The following CELSR3 variants were observed in gnomAD, a reference collection of about 807,000 sequenced individuals.
CELSR3 encodes the protein EGF-like protein 1.
Under a neutral mutation model 270.0 loss-of-function variants are expected in CELSR3, and 73 were observed. That is an observed-to-expected ratio of 0.27 (90% CI 0.22 to 0.33). CELSR3 has a LOEUF of 0.33. Among genes scored for constraint, CELSR3 ranks in the 10% least tolerant of loss-of-function variants. CELSR3 has a pLI of 1.00. For synonymous variants in CELSR3, 1,780 were observed against 1,905.4 expected (o/e 0.93, Z 1.71); for missense variants, 3,614 against 4,533.8 (o/e 0.80, Z 5.83).
chr3:48,644,827 G>A lies in CELSR3; in HGVS notation c.7974C>T (p.Gly2658=), dbSNP rs2047064197. Residue 2658 remains glycine (G), a splice_region_variant and synonymous_variant, in exon 26 of 35, where the codon GGC becomes GGT. Transcript: ENST00000164024. The surrounding 1 kb of genome is among the most constrained non-coding windows in gnomAD (Gnocchi z 4.8). ...LGWGVPAVLL[G]LAVGLDPEGY... ...CCTCAGGGTCCAGGCCCACAGCAAGGCCTTGGGAAGAGAAAGGGTAGGACT... is the reference window on the plus strand; with the variant it reads ...CCTCAGGGTCCAGGCCCACAGCAAGACCTTGGGAAGAGAAAGGGTAGGACT... 1.2e-6 allele frequency: 2 copies of A among 1,612,426 alleles called. No individual in the cohort carries two copies. Among genetic ancestry groups the A allele is most frequent in the African/African-American group, 1.3e-5 (1 of 74,908 alleles).
chr3:48,656,794 C>A lies in CELSR3; in HGVS notation c.4303G>T (p.Glu1435Ter). The change falls in exon 2 of 35, where the codon GAG becomes TAG. Residue 1435 changes from glutamate (E) to a stop codon, truncating the protein, a stop_gained. Transcript: ENST00000164024. LOFTEE classifies it high-confidence loss of function. ...PGFTGDFCET[E>*]LDLCYSNPCR... The stretch of plus-strand genomic sequence containing the variant: ...GGGTTGGAGTAGCAGAGGTCGAGCT[C>A]GGTCTCGCAAAAGTCTCCCGTGAAT... 1 of 1,601,330 alleles carries A rather than the reference C, an allele frequency of 6.2e-7. No individual in the cohort carries two copies. The highest frequency in any genetic ancestry group is 8.5e-7 in the Non-Finnish European group (1 of 1,173,688).
chr3:48,656,739 C>T lies in CELSR3; in HGVS notation c.4358G>A (p.Arg1453His), dbSNP rs2077026301. 6.5e-7 allele frequency: 1 copy of T among 1,528,380 alleles called. No homozygotes were observed. Among genetic ancestry groups the T allele is most frequent in the South Asian group, 1.3e-5 (1 of 78,100 alleles). 94.7% of individuals were successfully genotyped at this position (1,528,380 alleles called of 1,614,324 possible). A position where few individuals can be genotyped will look rare whatever the true frequency, so the allele number is the denominator to read the frequency against. Residue 1453 changes from arginine to histidine, a missense_variant, in exon 2 of 35, where the codon CGC becomes CAC. By Grantham distance (29) the Arg-to-His change is conservative. This residue lies in a region of CELSR3 where 1,331 missense variants were observed against 1,933.7 expected (regional missense o/e 0.69). Transcript: ENST00000164024. Reference sequence around the variant, plus strand: ...GCAGACGCACGTGTAGCCTCCCTCGCGCCGCGCGCAGGCTCCGCCGTTGCG... The same window carrying T: ...GCAGACGCACGTGTAGCCTCCCTCGTGCCGCGCGCAGGCTCCGCCGTTGCG... The part of the protein sequence containing the change: ...PCRNGGACAR[R>H]EGGYTCVCRP...
Position 48,651,154 on chromosome 3 carries a change from G to A in CELSR3, c.6187-79C>T. On this transcript the variant is annotated intron_variant, in intron 14 of 34. Coordinates refer to ENST00000164024, the MANE Select transcript of CELSR3 (RefSeq NM_001407.3). The surrounding 1 kb of genome is among the most constrained non-coding windows in gnomAD (Gnocchi z 7.4). Reference sequence around the variant, plus strand: ...AGTGGAATCAAGGATAAAGGGTCAAGAGAACAGTGCTCATGGGCCAGAGGA... The same window carrying A: ...AGTGGAATCAAGGATAAAGGGTCAAAAGAACAGTGCTCATGGGCCAGAGGA... 4 of 1,483,234 alleles carry A rather than the reference G, an allele frequency of 2.7e-6. No homozygotes were observed. The highest frequency in any genetic ancestry group is 3.6e-6 in the Non-Finnish European group (4 of 1,095,984). 91.9% of individuals were successfully genotyped at this position (1,483,234 alleles called of 1,614,324 possible).
At chr3:48,656,629 C>T in intron 2 of CELSR3, 69 bp downstream of exon 2, 1 of 1,433,006 alleles carries the variant, frequency 7.0e-7, no homozygotes, top group Non-Finnish European at 9.1e-7. Flanking sequence ...CCAGTACTCA[C>T]TCGCATTGTG....
At position 48,659,050 on chromosome 3, in the gene CELSR3, G is replaced by T; in HGVS notation, c.3585C>A (p.Ile1195=). ...CGGAGACATCGGGGTCATAAGCTGG[G>T]ATGCGCCCAATAATGCCCGACGGGA... ...DTFPSGIIGR[I]PAYDPDVSDH... is the part of the protein sequence containing the mutation. The change falls in exon 1 of 35, where the codon ATC becomes ATA. Residue 1195 remains isoleucine (I), a synonymous_variant. Transcript: ENST00000164024. This position sits in a 1 kb window ranked among gnomAD's most constrained non-coding sequence, Gnocchi z 8.1. 3 of 1,614,212 alleles carry T rather than the reference G, an allele frequency of 1.9e-6. No homozygotes were observed. Among genetic ancestry groups the T allele is most frequent in the Non-Finnish European group, 2.5e-6 (3 of 1,180,036 alleles).
rs2047027069 is a variant in CELSR3, at chr3:48,641,583, C to G, written c.8825-59G>C. The G allele has an allele frequency of 1.5e-6, 2 of 1,313,078 alleles. No homozygotes were observed. The highest frequency in any genetic ancestry group is 2.2e-6 in the Non-Finnish European group (2 of 918,648). The allele number at this position is 1,313,078 out of a possible 1,614,324, so 81.3% of individuals were successfully genotyped here. A position where few individuals can be genotyped will look rare whatever the true frequency, so the allele number is the denominator to read the frequency against. ...GGTTGATCCCAGTGACTCATGACCC[C>G]TGACCCTAATGACCCTTGAAACCCT... On this transcript the variant is annotated intron_variant, in intron 32 of 34. Coordinates refer to ENST00000164024, the MANE Select transcript of CELSR3 (RefSeq NM_001407.3). This position sits in a 1 kb window ranked among gnomAD's most constrained non-coding sequence, Gnocchi z 4.8.
Position 48,655,036 on chromosome 3 carries a change from G to A in CELSR3, c.4988+8C>T, listed in dbSNP as rs766848809. ...GGGGACAAGGGGACTAGGGGGCAGG[G>A]GCCTCACTTCTTGGAGCTTGTTTGC... On this transcript the variant is annotated splice_region_variant and intron_variant, in intron 6 of 34. Transcript: ENST00000164024. This position sits in a 1 kb window ranked among gnomAD's most constrained non-coding sequence, Gnocchi z 5.8. 3.1e-6 allele frequency: 5 copies of A among 1,613,444 alleles called. No individual in the cohort carries two copies. The South Asian group carries it at 5.5e-5, about 18-fold the overall frequency.
In CELSR3 at chr3:48,643,608, G is replaced by A. The variant is rs1236359076; in HGVS notation, c.8235C>T (p.Val2745=). The A allele has an allele frequency of 1.9e-6, 3 of 1,551,122 alleles. No individual in the cohort carries two copies. Among genetic ancestry groups the A allele is most frequent in the Non-Finnish European group, 2.6e-6 (3 of 1,147,020 alleles). ...AGTGGAAGGCTAGGATGCTGTGGTTGACTGCCAGGAGCCCAAAGAGCCAGG... is the reference window on the plus strand; with the variant it reads ...AGTGGAAGGCTAGGATGCTGTGGTTAACTGCCAGGAGCCCAAAGAGCCAGG... ...SASWLFGLLA[V]NHSILAFHYL... Residue 2745 remains valine, a synonymous_variant, in exon 28 of 35, where the codon GTC becomes GTT. Transcript: ENST00000164024.
chr3:48,657,082 C>T lies in CELSR3; in HGVS notation c.4015G>A (p.Gly1339Arg). ...AACCAGGGCCCTGCAGCGCCCGCCC[C>T]GGCCCCACGTGGAGCTAGCGCCGAG... ...SFSALAPRGA[G>R]AGAAGPWFSS... The change falls in exon 2 of 35, where the codon GGG becomes AGG. Residue 1339 changes from glycine to arginine, a missense_variant. By Grantham distance (125) the Gly-to-Arg change is moderately radical. Around this residue, in one of 7 missense-constraint regions of CELSR3, gnomAD observed 1,331 missense variants for 1,933.7 expected, o/e 0.69. Coordinates refer to ENST00000164024, the MANE Select transcript of CELSR3 (RefSeq NM_001407.3). This position sits in a 1 kb window ranked among gnomAD's most constrained non-coding sequence, Gnocchi z 5.4. The T allele has an allele frequency of 1.2e-6, 2 of 1,613,858 alleles. No individual in the cohort carries two copies. The highest frequency in any genetic ancestry group is 1.1e-5 in the South Asian group (1 of 91,086).
rs532975649 is a variant in CELSR3 at position 48,661,041 on chromosome 3, G to A, written c.1594C>T (p.His532Tyr). The change falls in exon 1 of 35, where the codon CAC (histidine) becomes TAC (tyrosine). Residue 532 changes from histidine to tyrosine, a missense_variant. Physicochemically the swap from His to Tyr is moderately conservative, Grantham distance 83. This residue lies in a region of CELSR3 where 354 missense variants were observed against 500.9 expected (regional missense o/e 0.71). Coordinates refer to ENST00000164024, the MANE Select transcript of CELSR3 (RefSeq NM_001407.3). ...TCGTTCTCGTCTAGCACAGTTATGT[G>A]TACGCGCACAGTGGCCGAGCGCGGC... ...PGPRSATVRV[H>Y]ITVLDENDNA... The A allele has an allele frequency of 1.9e-6, 3 of 1,613,840 alleles. No individual in the cohort carries two copies. The highest frequency in any genetic ancestry group is 1.7e-4 in the Middle Eastern group (1 of 6,060).
intron 34 of CELSR3, 74 bp from the exon 35 acceptor site, chr3:48,638,306 A>T: frequency 8.9e-7 from 1 of 1,122,384 alleles, no homozygotes; most frequent in Non-Finnish European, 1.4e-6. Context: ...CTCCCCCACC[A>T]CATTTGGCCT....
At position 48,659,640 on chromosome 3, in the gene CELSR3, T is replaced by C; in HGVS notation, c.2995A>G (p.Thr999Ala). ...TCCCCATCTTCACCATTCTGGAAAG[T>C]GTACTGGACCCGGCCATTGGCATGA... ...DAHANGRVQYTFQNGEDGDGD... is the reference protein window; with the variant it reads ...DAHANGRVQYAFQNGEDGDGD... The change falls in exon 1 of 35, where the codon ACT becomes GCT. Residue 999 changes from threonine (T) to alanine (A), a missense_variant. Thr to Ala is a moderately conservative substitution (Grantham distance 58). Coordinates refer to ENST00000164024, the MANE Select transcript of CELSR3 (RefSeq NM_001407.3). This position sits in a 1 kb window ranked among gnomAD's most constrained non-coding sequence, Gnocchi z 8.1. The C allele has an allele frequency of 1.9e-6, 3 of 1,614,172 alleles. No homozygotes were observed. Among genetic ancestry groups the C allele is most frequent in the Non-Finnish European group, 1.7e-6 (2 of 1,180,028 alleles).
In CELSR3 at chr3:48,659,542, T is replaced by C. The variant is rs776220328; in HGVS notation, c.3093A>G (p.Ser1031=). Residue 1031 remains serine (S), a synonymous_variant, in exon 1 of 35, where the codon TCA becomes TCG. Transcript: ENST00000164024. This position sits in a 1 kb window ranked among gnomAD's most constrained non-coding sequence, Gnocchi z 8.1. Reference sequence around the variant, plus strand: ...CTGCGTAGGCAGTCAACTCATACACTGATACTGCCTCCCGGTCTAGCCGCC... The same window carrying C: ...CTGCGTAGGCAGTCAACTCATACACCGATACTGCCTCCCGGTCTAGCCGCC... ...TVRRLDREAV[S]VYELTAYAVD... 2 of 1,614,198 alleles carry C rather than the reference T, an allele frequency of 1.2e-6. No individual in the cohort carries two copies. Among genetic ancestry groups the C allele is most frequent in the East Asian group, 4.5e-5 (2 of 44,894 alleles).
At chr3:48,648,241 C>G in intron 19 of CELSR3, 25 bp downstream of exon 19, 1 of 1,318,118 alleles carries the variant, frequency 7.6e-7, no homozygotes, top group Non-Finnish European at 1.1e-6. Context: ...CTGCTGTGCC[C>G]CGCCCTACCC....
At position 48,662,585 on chromosome 3, in the gene CELSR3, G is replaced by A. The variant is rs762612898; in HGVS notation, c.50C>T (p.Pro17Leu). ...PWRGLGGRST[P>L]ILLLLLLSLF... ...AGAGAGGAGAAGGAGCAGGAGTATGGGGGTCGACCGTCCCCCGAGGCCCCG... is the reference window on the plus strand; with the variant it reads ...AGAGAGGAGAAGGAGCAGGAGTATGAGGGTCGACCGTCCCCCGAGGCCCCG... The change falls in exon 1 of 35, where the codon CCC (proline) becomes CTC (leucine). Residue 17 changes from proline (P) to leucine (L), a missense_variant. Transcript: ENST00000164024. This position sits in a 1 kb window ranked among gnomAD's most constrained non-coding sequence, Gnocchi z 7.1. The A allele has an allele frequency of 6.6e-7, 1 of 1,512,224 alleles. No homozygotes were observed. The highest frequency in any genetic ancestry group is 8.9e-7 in the Non-Finnish European group (1 of 1,128,172). The allele number at this position is 1,512,224 out of a possible 1,614,324, so 93.7% of individuals were successfully genotyped here.
rs768850213 is a variant in CELSR3 at position 48,641,930 on chromosome 3, G to A, written c.8745C>T (p.Asp2915=). 3 of 1,602,776 alleles carry A rather than the reference G, an allele frequency of 1.9e-6. No individual in the cohort carries two copies. The highest frequency in any genetic ancestry group is 2.7e-5 in the African/African-American group (2 of 74,634). ...SLSIPSSESE[D]NGRTRGRFQR... ...GGAAGCGCCCCCGCGTCCGGCCATTGTCCTCGCTTTCTGAAGATGGAATGG... is the reference window on the plus strand; with the variant it reads ...GGAAGCGCCCCCGCGTCCGGCCATTATCCTCGCTTTCTGAAGATGGAATGG... The change falls in exon 32 of 35, where the codon GAC becomes GAT. Residue 2915 remains aspartate (D), a synonymous_variant. Transcript: ENST00000164024. This position sits in a 1 kb window ranked among gnomAD's most constrained non-coding sequence, Gnocchi z 4.8.
Position 48,644,944 on chromosome 3 carries a change from G to C in CELSR3, c.7972+91C>G. The C allele has an allele frequency of 6.5e-7, 1 of 1,528,584 alleles. No individual in the cohort carries two copies. Among genetic ancestry groups the C allele is most frequent in the Non-Finnish European group, 8.9e-7 (1 of 1,118,978 alleles). The allele number at this position is 1,528,584 out of a possible 1,614,324, so 94.7% of individuals were successfully genotyped here. A position where few individuals can be genotyped will look rare whatever the true frequency, so the allele number is the denominator to read the frequency against. ...AGCAACCCCATGAATAGATGGCTTG[G>C]GGTTTGAGGTTGGGGGTCATGAGCA... On this transcript the variant is annotated intron_variant, in intron 25 of 34. Transcript: ENST00000164024. This position sits in a 1 kb window ranked among gnomAD's most constrained non-coding sequence, Gnocchi z 4.8.
Position 48,650,895 on chromosome 3 carries a change from G to A in CELSR3, c.6367C>T (p.Arg2123Trp), listed in dbSNP as rs143933051. 2.2e-5 allele frequency: 35 copies of A among 1,609,962 alleles called. No individual in the cohort carries two copies. The highest frequency in any genetic ancestry group is 2.1e-4 in the African/African-American group (16 of 74,830). Residue 2123 changes from arginine to tryptophan, a missense_variant, in exon 15 of 35, where the codon CGG (arginine) becomes TGG (tryptophan). Coordinates refer to ENST00000164024, the MANE Select transcript of CELSR3 (RefSeq NM_001407.3). This position sits in a 1 kb window ranked among gnomAD's most constrained non-coding sequence, Gnocchi z 5.1. ...GAGCTGGGTGGAGCCTGCTCACCCC[G>A]GCAGCCGCTGGCTGTCACCTCTGCG... Reference protein sequence around the residue: ...PFAEVTASGCRVLYDACPKSL... With the variant: ...PFAEVTASGCWVLYDACPKSL...
Position 48,654,536 on chromosome 3 carries a change from G to C in CELSR3, c.4989-84C>G, listed in dbSNP as rs1372686978. 2.6e-6 allele frequency: 3 copies of C among 1,158,810 alleles called. No homozygotes were observed. Among genetic ancestry groups the C allele is most frequent in the East Asian group, 4.9e-5 (2 of 40,878 alleles). The allele number at this position is 1,158,810 out of a possible 1,614,324, so 71.8% of individuals were successfully genotyped here. A position where few individuals can be genotyped will look rare whatever the true frequency, so the allele number is the denominator to read the frequency against. On this transcript the variant is annotated intron_variant, in intron 6 of 34. Transcript: ENST00000164024. The surrounding 1 kb of genome is among the most constrained non-coding windows in gnomAD (Gnocchi z 5.4). Reference sequence around the variant, plus strand: ...GGGGGCCACAGGAAGCAGGGGGGTAGGACCCAGAGGGTAGGGTGATTGAGG... The same window carrying C: ...GGGGGCCACAGGAAGCAGGGGGGTACGACCCAGAGGGTAGGGTGATTGAGG...
Sources: allele counts gnomAD v4.1 joint callset, GRCh38; gene constraint gnomAD v4.1.1; regional missense constraint gnomAD v4.1.1; non-coding constraint Gnocchi (gnomAD v3.1); transcripts MANE v1.5; gene names NCBI Gene and HGNC (gene_info 2026-07-23, HGNC 2026-07-21).